Variants in FAM178B observed in about 807,000 individuals in gnomAD.
FAM178B encodes protein FAM178B.
A neutral mutation model predicts 91.7 loss-of-function variants in FAM178B; 82 were observed. That is an observed-to-expected ratio of 0.89 (90% CI 0.75 to 1.07). The LOEUF (loss-of-function observed/expected upper bound fraction) is 1.07, where lower values mean the gene tolerates loss of function less well. Ranked by LOEUF, FAM178B falls within the 50% of genes least tolerant of loss-of-function variation. The pLI is 0.00. For missense variants in FAM178B, 769 were observed against 846.7 expected (o/e 0.91, Z 1.14); for synonymous variants, 368 against 359.4 (o/e 1.02, Z -0.27).
chr2:96,894,510 A>G (rs1574204265), intron 13 of FAM178B, among the ~76,000 whole-genome samples: 1 of 83,324 alleles, frequency 1.2e-5, no homozygotes, highest in African/African-American at 4.9e-5. Context: ...ACCCACCCAC[A>G]TACACACAGA....
chr2:96,955,036 C>T (rs771805883), intron 6 of FAM178B, among the ~76,000 whole-genome samples: 1 of 152,138 alleles, frequency 6.6e-6, no homozygotes, highest in African/African-American at 2.4e-5. Flanking sequence ...GGCAGCAGAG[C>T]ATGGGCCTGA....
rs549761744 is a variant in FAM178B, at chr2:96,936,445, C to T, written c.1079-7125G>A. Among the ~76,000 whole-genome samples the T allele has an allele frequency of 2.6e-3, 387 of 151,374 alleles. 1 individual carries two copies. The highest frequency in any genetic ancestry group is 6.9e-3 in the Middle Eastern group (2 of 290). Reference sequence around the variant, plus strand: ...CTCGATCTCCCGACCTTGTGATCTGCCCGCCTTGGCCTCCCAAAGTGCTGG... The same window carrying T: ...CTCGATCTCCCGACCTTGTGATCTGTCCGCCTTGGCCTCCCAAAGTGCTGG... On this transcript the variant is annotated intron_variant, in intron 8 of 16. Coordinates refer to ENST00000490605, the MANE Select transcript of FAM178B (RefSeq NM_001122646.3).
At chr2:96,970,611 G>A in intron 4 of FAM178B, 105 bp downstream of exon 4, 1 of 855,672 alleles carries the variant, frequency 1.2e-6, no homozygotes, top group East Asian at 2.7e-5. Flanking sequence ...GGCTGAGTCT[G>A]GGTGGGAGGC....
Position 96,986,403 on chromosome 2 carries a change from GCAGGAGCAGGCTCCC to G in FAM178B, c.-105_-91del. On this transcript the variant is annotated 5_prime_UTR_variant, in exon 1 of 17. Coordinates refer to ENST00000490605, the MANE Select transcript of FAM178B (RefSeq NM_001122646.3). ...CGGGGCCAGCTAGCCGGGAAAGGAAGCAGGAGCAGGCTCCCCAGGCGGCGCAGTGGGAGGACCCCA... is the reference window on the plus strand; with the variant it reads ...CGGGGCCAGCTAGCCGGGAAAGGAAGCAGGCGGCGCAGTGGGAGGACCCCA... 2.1e-6 allele frequency: 3 copies of G among 1,446,838 alleles called. No individual in the cohort carries two copies. Among genetic ancestry groups the G allele is most frequent in the Non-Finnish European group, 2.7e-6 (3 of 1,093,650 alleles). 89.6% of individuals were successfully genotyped at this position (1,446,838 alleles called of 1,614,324 possible).
intron 6 of FAM178B, 82 bp from the exon 7 acceptor site, chr2:96,951,566 C>G: frequency 1.0e-5 from 10 of 994,556 alleles, no homozygotes; most frequent in South Asian, 9.6e-5. Context: ...GCTGTCACTA[C>G]CCAGCTTCAC....
At chr2:96,903,276 TG>T in intron 12 of FAM178B, among the ~76,000 whole-genome samples, 1 of 152,342 alleles carries the variant, frequency 6.6e-6, no homozygotes, top group Middle Eastern at 3.4e-3. Context: ...CCTGACCTCG[TG>T]ATCCGCTCGC....
In FAM178B at chr2:96,921,041, C is replaced by T. The variant is rs1021574244; in HGVS notation, c.1562+124G>A. On this transcript the variant is annotated intron_variant, in intron 12 of 16. Coordinates refer to ENST00000490605, the MANE Select transcript of FAM178B (RefSeq NM_001122646.3). ...TAGTGAGTTATATTTTTAGTTCTCC[C>T]TCCTGGGGATTAGAAATTGGGCAGG... The T allele has an allele frequency of 4.0e-6, 3 of 742,232 alleles. No individual in the cohort carries two copies. The Admixed American group carries it at 6.5e-5, about 16-fold the overall frequency. 46.0% of individuals were successfully genotyped at this position (742,232 alleles called of 1,614,324 possible). A position where few individuals can be genotyped will look rare whatever the true frequency, so the allele number is the denominator to read the frequency against.
chr2:96,929,962 C>A (rs970628035), intron 8 of FAM178B, among the ~76,000 whole-genome samples: 4 of 152,286 alleles, frequency 2.6e-5, no homozygotes, highest in Admixed American at 6.5e-5. Context: ...ACCTGTAATC[C>A]TAGCACTTTT....
At chr2:96,955,840 T>C (rs575596630) in intron 6 of FAM178B, among the ~76,000 whole-genome samples, 72 of 152,310 alleles carry the variant, frequency 4.7e-4, no homozygotes, top group African/African-American at 1.3e-3. Flanking sequence ...CTGGGTTTAT[T>C]GCACCTGGGC....
intron 1 of FAM178B, among the ~76,000 whole-genome samples, chr2:96,982,735 A>ATTTTTTTT (rs58540459): frequency 5.7e-5 from 3 of 52,230 alleles, no homozygotes; most frequent in Non-Finnish European, 1.1e-4. Context: ...TGCCCAGCTA[A>ATTTTTTTT]TTTTTTTTTT....
intron 9 of FAM178B, among the ~76,000 whole-genome samples, chr2:96,924,205 C>G (rs1383723576): frequency 1.3e-5 from 2 of 152,226 alleles, no homozygotes; most frequent in Non-Finnish European, 2.9e-5. Flanking sequence ...GAAAATCACA[C>G]TTCCAATCCC....
chr2:96,904,030 G>A (rs1036056847), intron 12 of FAM178B, among the ~76,000 whole-genome samples: 3 of 152,166 alleles, frequency 2.0e-5, no homozygotes, highest in African/African-American at 4.8e-5. Context: ...GGGGCGCAGG[G>A]TTATGGGCAC....
chr2:96,907,527 C>T (rs1034499097), intron 12 of FAM178B, among the ~76,000 whole-genome samples: 6 of 152,218 alleles, frequency 3.9e-5, no homozygotes, highest in Non-Finnish European at 1.5e-5. Flanking sequence ...CCAGCCCTGG[C>T]GTGCACCAGC....
intron 8 of FAM178B, among the ~76,000 whole-genome samples, chr2:96,944,592 T>C (rs887656805): frequency 2.6e-5 from 4 of 152,290 alleles, no homozygotes; most frequent in Admixed American, 2.6e-4. Flanking sequence ...AGAAGACACA[T>C]GCAGAATCCA....
intron 14 of FAM178B, among the ~76,000 whole-genome samples, chr2:96,881,954 G>A (rs2080396098): frequency 6.6e-6 from 1 of 152,176 alleles, no homozygotes; most frequent in Admixed American, 6.5e-5. Flanking sequence ...GGAAGACGTT[G>A]ACCCAATTTA....
chr2:96,876,170 C>A lies in FAM178B; in HGVS notation c.*106G>T. 1 of 1,195,768 alleles carries A rather than the reference C, an allele frequency of 8.4e-7. No individual in the cohort carries two copies. Among genetic ancestry groups the A allele is most frequent in the South Asian group, 1.3e-5 (1 of 74,852 alleles). The allele number at this position is 1,195,768 out of a possible 1,614,324, so 74.1% of individuals were successfully genotyped here. On this transcript the variant is annotated 3_prime_UTR_variant, in exon 17 of 17. Transcript: ENST00000490605. ...CAGGCTCTTGCCTCATCAGGCTGGT[C>A]AGCATGTGGCCTCCTCTGGCCTTGA...
rs1559079687 is a variant in FAM178B at position 96,929,313 on chromosome 2, G to T, written c.1086C>A (p.Asp362Glu). The T allele has an allele frequency of 1.3e-6, 2 of 1,549,730 alleles. No homozygotes were observed. The highest frequency in any genetic ancestry group is 2.0e-5 in the Admixed American group (1 of 50,964). The stretch of plus-strand genomic sequence containing the variant: ...GCAGTGAGGGGCACCACAGGTGCTT[G>T]TCTTCATCTGTCAGGCCAAAAGGGA... ...VDGIFLQPDE[D>E]KHLWCPSLQE... Residue 362 changes from aspartate to glutamate, a missense_variant, in exon 9 of 17, where the codon GAC becomes GAA. Coordinates refer to ENST00000490605, the MANE Select transcript of FAM178B (RefSeq NM_001122646.3).
intron 14 of FAM178B, among the ~76,000 whole-genome samples, chr2:96,887,298 G>C (rs987356369): frequency 2.6e-5 from 4 of 152,202 alleles, no homozygotes; most frequent in Admixed American, 1.3e-4. Flanking sequence ...TGAACACCTA[G>C]CTTCAGATGA....
At chr2:96,918,779 C>A (rs565589309) in intron 12 of FAM178B, among the ~76,000 whole-genome samples, 3 of 152,304 alleles carry the variant, frequency 2.0e-5, no homozygotes, top group African/African-American at 7.2e-5. Context: ...AGTAGTCAGA[C>A]AGCCCAGTGC....
Sources: allele counts gnomAD v4.1 joint callset (sites outside exome capture counted in the v4.1 genomes callset), GRCh38; gene constraint gnomAD v4.1.1; transcripts MANE v1.5; gene names NCBI Gene and HGNC (gene_info 2026-07-23, HGNC 2026-07-21).